The following NPHP4 variants were observed in gnomAD, a reference collection of about 807,000 sequenced individuals.
NPHP4 encodes the protein nephrocystin-4.
In NPHP4, 151 loss-of-function variants were observed where a neutral mutation model predicts 155.8. That is an observed-to-expected ratio of 0.97 (90% confidence interval 0.85 to 1.11). NPHP4 has a LOEUF of 1.11. Ranked by LOEUF, NPHP4 falls within the 50% of genes least tolerant of loss-of-function variation. NPHP4 has a pLI of 0.00. For missense variants in NPHP4, 1,956 were observed against 1,925.7 expected (o/e 1.02, Z -0.29); for synonymous variants, 845 against 816.8 (o/e 1.03, Z -0.59).
intron 2 of NPHP4, among the ~76,000 whole-genome samples, chr1:5,984,236 T>G (rs1655137046): frequency 1.3e-5 from 2 of 152,174 alleles, no homozygotes. Flanking sequence ...TGAATTTTTT[T>G]GAAAAGCAAG....
At chr1:5,909,714 T>C (rs1557711930) in intron 11 of NPHP4, among the ~76,000 whole-genome samples, 1 of 152,102 alleles carries the variant, frequency 6.6e-6, no homozygotes, top group Non-Finnish European at 1.5e-5. Flanking sequence ...GGATTCTCCA[T>C]GCAGGCCCGG....
chr1:5,868,925 C>T (rs1250464685), intron 23 of NPHP4, among the ~76,000 whole-genome samples: 2 of 148,540 alleles, frequency 1.3e-5, no homozygotes, highest in African/African-American at 5.0e-5. Context: ...CACATGTACA[C>T]ACATGCATGC....
At chr1:5,985,337 C>A (rs1051094742) in intron 2 of NPHP4, among the ~76,000 whole-genome samples, 1 of 152,254 alleles carries the variant, frequency 6.6e-6, no homozygotes, top group Non-Finnish European at 1.5e-5. Flanking sequence ...GTGTGGGTGT[C>A]CCGTGGGCAG....
chr1:5,867,518 G>T lies in NPHP4; in HGVS notation c.3472+222C>A. On this transcript the variant is annotated intron_variant, in intron 24 of 29. Transcript: ENST00000378156. This position sits in a 1 kb window ranked among gnomAD's most constrained non-coding sequence, Gnocchi z 4.1. ...CCGCGGGAGCTGGGATTTTTTAGAA[G>T]GGCAGACTCAGCCGGCAAATGCGCA... 1.7e-6 allele frequency: 1 copy of T among 596,242 alleles called. No individual in the cohort carries two copies. The highest frequency in any genetic ancestry group is 3.0e-6 in the Non-Finnish European group (1 of 338,294). 36.9% of individuals were successfully genotyped at this position (596,242 alleles called of 1,614,324 possible).
intron 2 of NPHP4, among the ~76,000 whole-genome samples, chr1:5,981,691 T>C: frequency 6.6e-6 from 1 of 152,334 alleles, no homozygotes; most frequent in East Asian, 1.9e-4. Context: ...CCAAACTCTA[T>C]TTATAGAATT....
chr1:5,934,053 T>TA (rs1368652147), intron 9 of NPHP4, among the ~76,000 whole-genome samples: 1 of 152,174 alleles, frequency 6.6e-6, no homozygotes, highest in Non-Finnish European at 1.5e-5. Flanking sequence ...GTTTTAAAAT[T>TA]ACCAACTTTC....
At chr1:5,945,957 C>A (rs1399797203) in intron 9 of NPHP4, among the ~76,000 whole-genome samples, 1 of 152,168 alleles carries the variant, frequency 6.6e-6, no homozygotes, top group Non-Finnish European at 1.5e-5. Flanking sequence ...ACTGTAGACA[C>A]CACCCACCCA....
Position 5,986,041 on chromosome 1 carries a change from G to A in NPHP4, c.135+114C>T, listed in dbSNP as rs1420343945. ...ATGGCTATATGGGTACCACCATAAA[G>A]TAGCAAAATCAAAAATCAAAGCATC... On this transcript the variant is annotated intron_variant, in intron 2 of 29. Coordinates refer to ENST00000378156, the MANE Select transcript of NPHP4 (RefSeq NM_015102.5). 4.9e-6 allele frequency: 6 copies of A among 1,220,396 alleles called. No individual in the cohort carries two copies. The Admixed American group carries it at 1.0e-4, about 20-fold the overall frequency. The allele number at this position is 1,220,396 out of a possible 1,614,324, so 75.6% of individuals were successfully genotyped here.
chr1:5,922,499 C>A (rs544912814), intron 11 of NPHP4, among the ~76,000 whole-genome samples: 146 of 152,150 alleles, frequency 9.6e-4, no homozygotes, highest in Non-Finnish European at 1.7e-3. Flanking sequence ...AAAGGTGAAG[C>A]CTCCCTCCTT....
chr1:5,954,362 T>C (rs953340692), intron 6 of NPHP4, among the ~76,000 whole-genome samples: 9 of 152,210 alleles, frequency 5.9e-5, no homozygotes, highest in Non-Finnish European at 1.2e-4. Context: ...TATGAAACTA[T>C]TACGATTCCA....
At chr1:5,976,706 C>A (rs750929631) in intron 3 of NPHP4, among the ~76,000 whole-genome samples, 7 of 152,220 alleles carry the variant, frequency 4.6e-5, no homozygotes, top group Non-Finnish European at 8.8e-5. Flanking sequence ...TCTAGCAAGG[C>A]TTTTTATTGA....
intron 9 of NPHP4, among the ~76,000 whole-genome samples, chr1:5,945,908 C>CG (rs539624932): frequency 2.0e-5 from 3 of 152,124 alleles, no homozygotes; most frequent in East Asian, 3.9e-4. Flanking sequence ...CATTGTCCCC[C>CG]CCCAGGGCGT....
At chr1:5,918,762 T>C (rs995655923) in intron 11 of NPHP4, among the ~76,000 whole-genome samples, 8 of 152,234 alleles carry the variant, frequency 5.3e-5, no homozygotes, top group African/African-American at 1.9e-4. Context: ...CCATTTTTTT[T>C]AGAGGATGTG....
chr1:5,909,381 CAA>C (rs915186964), intron 11 of NPHP4, among the ~76,000 whole-genome samples, 168 bp from the exon 12 acceptor site: 3 of 152,146 alleles, frequency 2.0e-5, no homozygotes, highest in Non-Finnish European at 4.4e-5. Context: ...GGGTGCCACC[CAA>C]AAGTGTCGCT....
chr1:5,989,061 C>T (rs919492024), intron 1 of NPHP4, among the ~76,000 whole-genome samples: 6 of 152,134 alleles, frequency 3.9e-5, no homozygotes, highest in African/African-American at 1.2e-4. Context: ...AGCTGCTCCC[C>T]GATTCCAGCC....
chr1:5,877,594 G>A (rs926566653), intron 19 of NPHP4: 2 of 289,050 alleles, frequency 6.9e-6, no homozygotes, highest in African/African-American at 4.3e-5. Context: ...TAGGGAAGAA[G>A]GCCACGTTCT....
intron 26 of NPHP4, chr1:5,865,523 T>G: frequency 2.2e-6 from 1 of 448,622 alleles, no homozygotes; most frequent in South Asian, 5.7e-5. Context: ...GCAGAGGCTC[T>G]CAGGGCGCAG....
chr1:5,948,684 C>A (rs1037371265), intron 7 of NPHP4, among the ~76,000 whole-genome samples: 2 of 152,098 alleles, frequency 1.3e-5, no homozygotes, highest in Admixed American at 1.3e-4. Flanking sequence ...CCCTGGGGCC[C>A]AATTCCCTGG....
chr1:5,867,087 G>A lies in NPHP4; in HGVS notation c.3501C>T (p.Asp1167=), dbSNP rs765238761. The A allele has an allele frequency of 1.9e-6, 3 of 1,612,772 alleles. No homozygotes were observed. The highest frequency in any genetic ancestry group is 1.7e-5 in the Admixed American group (1 of 59,886). Reference sequence around the variant, plus strand: ...CGCTGCAGCGAACATGGACTGGGGGGTCCTCACCAAGCATTCCCACCGGAG... The same window carrying A: ...CGCTGCAGCGAACATGGACTGGGGGATCCTCACCAAGCATTCCCACCGGAG... ...PGAPVGMLGE[D]PPVHVRCSDP... The change falls in exon 25 of 30, where the codon GAC becomes GAT. Residue 1167 remains aspartate, a synonymous_variant. Transcript: ENST00000378156. The surrounding 1 kb of genome is among the most constrained non-coding windows in gnomAD (Gnocchi z 4.1).
Sources: gnomAD v4.1 joint callset for allele counts (sites outside exome capture counted in the v4.1 genomes callset) on GRCh38, gnomAD v4.1.1 for gene constraint, Gnocchi (gnomAD v3.1) non-coding constraint, MANE v1.5 for transcripts, NCBI Gene and HGNC (gene_info 2026-07-23, HGNC 2026-07-21) for gene names.